KLF12: variants seen among roughly 807,000 people sequenced by gnomAD.
The protein encoded by KLF12 is KLF transcription factor 12.
A neutral mutation model predicts 37.8 loss-of-function variants in KLF12; 9 were observed. That is an observed-to-expected ratio of 0.24 (90% CI 0.14 to 0.42). The LOEUF (loss-of-function observed/expected upper bound fraction) is 0.42. KLF12 is among the 10% of genes least tolerant of loss of function. The pLI is 1.00. For synonymous variants in KLF12, 208 were observed against 202.1 expected, an observed-to-expected ratio of 1.03 and a Z score of -0.25; for missense variants, 411 against 516.0, an observed-to-expected ratio of 0.80 and a Z score of 1.97.
chr13:74,245,818 A>G, the KLF12 span, among the ~76,000 whole-genome samples: 1 of 152,234 alleles, frequency 6.6e-6, no homozygotes, highest in Non-Finnish European at 1.5e-5. Flanking sequence ...ATAAGAGGGG[A>G]CAACAACTTA....
At chr13:73,740,623 G>A (rs980882011) in intron 6 of KLF12, among the ~76,000 whole-genome samples, 6 of 152,096 alleles carry the variant, frequency 3.9e-5, no homozygotes, top group African/African-American at 1.4e-4. Context: ...TTACAGTTGT[G>A]AGCCACTGCA....
intron 3 of KLF12, among the ~76,000 whole-genome samples, chr13:73,919,602 G>A (rs536517885): frequency 3.9e-5 from 6 of 152,138 alleles, no homozygotes; most frequent in South Asian, 2.1e-4. Flanking sequence ...TTGCCCTAAC[G>A]GGTAAATAAT....
chr13:74,023,523 C>T (rs924010932), intron 1 of KLF12, among the ~76,000 whole-genome samples: 4 of 152,180 alleles, frequency 2.6e-5, no homozygotes, highest in African/African-American at 4.8e-5. Context: ...GAATCTGTTC[C>T]ATGCCTTTCT....
intron 6 of KLF12, among the ~76,000 whole-genome samples, chr13:73,746,562 C>A (rs1878385950): frequency 6.6e-6 from 1 of 151,988 alleles, no homozygotes; most frequent in Admixed American, 6.6e-5. Context: ...GACAGAGCTC[C>A]TTTTAGATAC....
intron 7 of KLF12, among the ~76,000 whole-genome samples, chr13:73,698,271 T>C (rs1874291359): frequency 6.6e-6 from 1 of 151,972 alleles, no homozygotes; most frequent in African/African-American, 2.4e-5. Flanking sequence ...ACATTCCAGA[T>C]AGTGAAGGAA....
At chr13:73,752,076 G>A (rs565940518) in intron 6 of KLF12, among the ~76,000 whole-genome samples, 74 of 152,214 alleles carry the variant, frequency 4.9e-4, no homozygotes, top group African/African-American at 1.6e-3. Flanking sequence ...TCTGCCTCCT[G>A]GGTTCAAGTG....
At chr13:73,875,756 TTTTCATGCTA>T (rs1416349648) in intron 3 of KLF12, among the ~76,000 whole-genome samples, 1 of 152,154 alleles carries the variant, frequency 6.6e-6, no homozygotes, top group African/African-American at 2.4e-5. Context: ...GCTTTATATA[TTTTCATGCTA>T]TTTTTAAAAA....
intron 2 of KLF12, among the ~76,000 whole-genome samples, chr13:73,962,267 C>T (rs1273634775): frequency 6.6e-6 from 1 of 152,158 alleles, no homozygotes; most frequent in Non-Finnish European, 1.5e-5. Context: ...AACTCTATGA[C>T]ATTTTGGAAA....
intron 2 of KLF12, chr13:73,960,273 A>T (rs554889368): frequency 9.1e-6 from 2 of 219,850 alleles, no homozygotes; most frequent in Non-Finnish European, 2.0e-5. Context: ...GTATGTTCCT[A>T]TAACTTTAAA....
At chr13:74,152,419 A>G in the KLF12 span, among the ~76,000 whole-genome samples, 1 of 151,992 alleles carries the variant, frequency 6.6e-6, no homozygotes, top group Non-Finnish European at 1.5e-5. Context: ...TCAGGTTCGT[A>G]CCCCACCATA....
At chr13:73,706,013 G>A (rs888655924) in intron 7 of KLF12, among the ~76,000 whole-genome samples, 5 of 152,110 alleles carry the variant, frequency 3.3e-5, no homozygotes, top group South Asian at 2.1e-4. Flanking sequence ...TTAGCTGGGC[G>A]TGGTGGCACA....
chr13:73,989,758 C>T (rs1891916336), intron 2 of KLF12, among the ~76,000 whole-genome samples: 1 of 152,144 alleles, frequency 6.6e-6, no homozygotes, highest in Non-Finnish European at 1.5e-5. Flanking sequence ...TCCATGAGAA[C>T]TGCAGGTAAA....
chr13:73,833,629 G>A (rs1249299511), intron 4 of KLF12, among the ~76,000 whole-genome samples: 1 of 152,100 alleles, frequency 6.6e-6, no homozygotes, highest in Non-Finnish European at 1.5e-5. Context: ...TTACAATTTG[G>A]TATGTACTGT....
At chr13:74,040,559 C>T (rs1397826911) in intron 1 of KLF12, among the ~76,000 whole-genome samples, 1 of 150,142 alleles carries the variant, frequency 6.7e-6, no homozygotes, top group East Asian at 1.9e-4. Flanking sequence ...AGAATGCCTA[C>T]AAATTCTCAC....
the KLF12 span, among the ~76,000 whole-genome samples, chr13:74,227,626 G>T: frequency 1.3e-5 from 2 of 152,016 alleles, no homozygotes; most frequent in Non-Finnish European, 2.9e-5. Context: ...CATAGGCTTA[G>T]CAAACAATAC....
In KLF12 at chr13:74,111,687, A is replaced by G. The variant is rs1203632479; in HGVS notation, c.-32+22052T>C. ...TAAGTGTCTTTAAAAATTCAATAGA[A>G]CATCTCACATTGAAAAACATTTGTG... is the stretch of plus-strand genomic sequence containing the variant. On this transcript the variant is annotated intron_variant, in intron 1 of 7. Transcript: ENST00000377669. 5.3e-5 allele frequency among the ~76,000 whole-genome samples: 8 copies of G among 150,528 alleles called. No homozygotes were observed. In the Admixed American group the frequency reaches 5.4e-4, roughly 10 times the overall value.
chr13:74,016,873 CA>C (rs533650332), intron 1 of KLF12, among the ~76,000 whole-genome samples: 143 of 152,178 alleles, frequency 9.4e-4, no homozygotes, highest in African/African-American at 3.1e-3. Flanking sequence ...GGAAACAATC[CA>C]AATGTCTATC....
At chr13:73,718,169 T>C (rs1257177047) in intron 6 of KLF12, among the ~76,000 whole-genome samples, 1 of 152,206 alleles carries the variant, frequency 6.6e-6, no homozygotes, top group Admixed American at 6.5e-5. Flanking sequence ...CTGAGTTCCA[T>C]TGATTTTAGC....
At chr13:74,183,305 A>T in the KLF12 span, among the ~76,000 whole-genome samples, 147 of 152,146 alleles carry the variant, frequency 9.7e-4, no homozygotes, top group African/African-American at 3.4e-3. Flanking sequence ...TGAATGCGGG[A>T]CTCGGCTATG....
Sources: allele counts gnomAD v4.1 joint callset (sites outside exome capture counted in the v4.1 genomes callset), GRCh38; gene constraint gnomAD v4.1.1; transcripts MANE v1.5; gene names NCBI Gene and HGNC (gene_info 2026-07-23, HGNC 2026-07-21).